Variants in RAD54L2 observed in about 807,000 individuals in gnomAD.
RAD54L2 encodes the protein RAD54 like 2.
In RAD54L2, 27 loss-of-function variants were observed where a neutral mutation model predicts 138.4. The observed-to-expected ratio is 0.20, with a 90% CI of 0.14 to 0.27. RAD54L2 has a LOEUF of 0.27. Among genes scored for constraint, RAD54L2 ranks in the 10% least tolerant of loss-of-function variants. RAD54L2 has a pLI of 1.00. For synonymous variants in RAD54L2, 644 were observed against 723.2 expected (o/e 0.89, Z 1.76); for missense variants, 1,396 against 1,890.2 (o/e 0.74, Z 4.85).
At chr3:51,550,824 A>G (rs1187955222) in intron 2 of RAD54L2, among the ~76,000 whole-genome samples, 2 of 152,164 alleles carry the variant, frequency 1.3e-5, no homozygotes, top group African/African-American at 4.8e-5. Context: ...AGGTAGGCAG[A>G]TCATTTTAGG....
intron 2 of RAD54L2, among the ~76,000 whole-genome samples, chr3:51,551,194 A>G (rs1698827939): frequency 6.6e-6 from 1 of 151,858 alleles, no homozygotes; most frequent in Admixed American, 6.6e-5. Context: ...ATGCAGTGGC[A>G]TGATGATAGC....
In RAD54L2 at chr3:51,638,130, G is replaced by C. The variant is rs775674481; in HGVS notation, c.1683-14G>C. 1.8e-5 allele frequency: 29 copies of C among 1,612,800 alleles called. No individual in the cohort carries two copies. The East Asian group carries it at 2.0e-4, about 11-fold the overall frequency. ...CACACTACCTTGCCGTTTCTGTTCT[G>C]TTTGCCTCCATAGGAGAGGCCACAC... On this transcript the variant is annotated splice_polypyrimidine_tract_variant and intron_variant, in intron 11 of 22. Coordinates refer to ENST00000684192, the MANE Select transcript of RAD54L2 (RefSeq NM_015106.4). The surrounding 1 kb of genome is among the most constrained non-coding windows in gnomAD (Gnocchi z 4.3).
chr3:51,579,762 T>C (rs757770747), intron 2 of RAD54L2, among the ~76,000 whole-genome samples: 4 of 152,148 alleles, frequency 2.6e-5, no homozygotes, highest in Non-Finnish European at 5.9e-5. Context: ...GTTAAATAAG[T>C]AGTATATAGA....
intron 2 of RAD54L2, among the ~76,000 whole-genome samples, chr3:51,589,681 T>TAC (rs1261442924): frequency 0.014 from 1,464 of 108,410 alleles, 12 homozygotes; most frequent in East Asian, 0.067. Flanking sequence ...TATATATATA[T>TAC]ATACACACAC....
intron 20 of RAD54L2, among the ~76,000 whole-genome samples, 197 bp from the exon 21 acceptor site, chr3:51,657,383 G>A (rs1430305396): frequency 2.0e-5 from 3 of 152,152 alleles, no homozygotes; most frequent in African/African-American, 7.2e-5. Context: ...CAAAGTTCCT[G>A]TTTTCATAGT....
intron 2 of RAD54L2, among the ~76,000 whole-genome samples, chr3:51,575,875 C>G (rs973717820): frequency 6.6e-6 from 1 of 152,130 alleles, no homozygotes; most frequent in African/African-American, 2.4e-5. Flanking sequence ...CCAGAACTTC[C>G]AACACTATGT....
rs537516199 is a variant in RAD54L2, at chr3:51,665,254, T to C, written c.*1834T>C. The C allele has an allele frequency of 6.7e-6, 1 of 150,086 alleles. No individual in the cohort carries two copies. Among genetic ancestry groups the C allele is most frequent in the South Asian group, 2.1e-4 (1 of 4,666 alleles). 9.3% of individuals were successfully genotyped at this position (150,086 alleles called of 1,614,324 possible). A position where few individuals can be genotyped will look rare whatever the true frequency, so the allele number is the denominator to read the frequency against. On this transcript the variant is annotated 3_prime_UTR_variant, in exon 23 of 23. Transcript: ENST00000684192. Reference sequence around the variant, plus strand: ...TAGAGCTTTACCACTTACCCATGGCTCCCTCCTTACTGGGCAGGTGGTGTA... The same window carrying C: ...TAGAGCTTTACCACTTACCCATGGCCCCCTCCTTACTGGGCAGGTGGTGTA...
At chr3:51,570,604 G>A (rs1448526924) in intron 2 of RAD54L2, among the ~76,000 whole-genome samples, 4 of 148,080 alleles carry the variant, frequency 2.7e-5, no homozygotes, top group South Asian at 2.2e-4. Context: ...TTACAGGTGC[G>A]CGCCACCACA....
chr3:51,646,450 A>G lies in RAD54L2; in HGVS notation c.2995A>G (p.Thr999Ala), dbSNP rs1667773760. ...TTACCCTGCCAGCGATCAGAGCCTG[A>G]CCAGCATCCCCGCCTTCAGCCAGAG... Reference protein sequence around the residue: ...QYYPASDQSLTSIPAFSQRNW... With the variant: ...QYYPASDQSLASIPAFSQRNW... Residue 999 changes from threonine to alanine, a missense_variant, in exon 19 of 23, where the codon ACC becomes GCC. Physicochemically the swap from Thr to Ala is moderately conservative, Grantham distance 58. This residue lies in a region of RAD54L2 where 634 missense variants were observed against 711.2 expected (regional missense o/e 0.89). Transcript: ENST00000684192. 6.2e-7 allele frequency: 1 copy of G among 1,612,004 alleles called. No individual in the cohort carries two copies. Among genetic ancestry groups the G allele is most frequent in the Non-Finnish European group, 8.5e-7 (1 of 1,178,768 alleles).
In RAD54L2 at chr3:51,662,155, C is replaced by T. The variant is rs780262466; in HGVS notation, c.3410-271C>T. Among the ~76,000 whole-genome samples the T allele has an allele frequency of 3.9e-5, 6 of 152,128 alleles. No individual in the cohort carries two copies. Among genetic ancestry groups the T allele is most frequent in the Middle Eastern group, 3.4e-3 (1 of 294 alleles). On this transcript the variant is annotated intron_variant, in intron 22 of 22. Transcript: ENST00000684192. This position sits in a 1 kb window ranked among gnomAD's most constrained non-coding sequence, Gnocchi z 4.6. ...GAATGATCTCTTAGTGTTTCATATC[C>T]CTTATCTCGTAGGATTCATTTTGGT...
chr3:51,551,715 G>A (rs1340947672), intron 2 of RAD54L2, among the ~76,000 whole-genome samples: 6 of 151,542 alleles, frequency 4.0e-5, no homozygotes, highest in South Asian at 2.1e-4. Flanking sequence ...GATTACAGGC[G>A]TGAGCCACTG....
chr3:51,629,473 G>T lies in RAD54L2; in HGVS notation c.481G>T (p.Glu161Ter). 6.2e-7 allele frequency: 1 copy of T among 1,612,184 alleles called. No homozygotes were observed. The highest frequency in any genetic ancestry group is 2.2e-5 in the East Asian group (1 of 44,814). ...IPTVPLEFLPEEIALRASDGP... is the reference protein window; with the variant it reads ...IPTVPLEFLP Reference sequence around the variant, plus strand: ...TACTGTTCCGCTGGAGTTCCTCCCTGGTAAGCAGTGGACATGGCAGGGAAG... The same window carrying T: ...TACTGTTCCGCTGGAGTTCCTCCCTTGTAAGCAGTGGACATGGCAGGGAAG... Residue 161 changes from glutamate (E) to a stop codon, truncating the protein, a stop_gained and splice_region_variant, in exon 5 of 23, where the codon GAG (glutamate) becomes TAG (stop). Transcript: ENST00000684192. LOFTEE classifies it high-confidence loss of function.
At chr3:51,617,578 T>A (rs933574183) in intron 3 of RAD54L2, among the ~76,000 whole-genome samples, 1 of 152,218 alleles carries the variant, frequency 6.6e-6, no homozygotes, top group East Asian at 1.9e-4. Flanking sequence ...TGCAAGAGTT[T>A]TAGAAATATA....
chr3:51,653,034 A>G (rs1203634685), intron 19 of RAD54L2, among the ~76,000 whole-genome samples: 2 of 152,278 alleles, frequency 1.3e-5, no homozygotes, highest in Non-Finnish European at 2.9e-5. Context: ...TACCCATCTG[A>G]CAAAGGGCTA....
At chr3:51,542,710 G>A (rs782355830) in intron 2 of RAD54L2, among the ~76,000 whole-genome samples, 9 of 152,158 alleles carry the variant, frequency 5.9e-5, no homozygotes, top group Non-Finnish European at 1.0e-4. Flanking sequence ...TGATCCGCCC[G>A]TCTTGGCCTC....
chr3:51,618,673 C>G (rs142074497), intron 3 of RAD54L2, among the ~76,000 whole-genome samples: 1 of 152,284 alleles, frequency 6.6e-6, no homozygotes, highest in East Asian at 1.9e-4. Context: ...TTGAGTTAGA[C>G]AATAAGATCT....
In RAD54L2 at chr3:51,645,151, T is replaced by TA; in HGVS notation, c.2579dup (p.Tyr860Ter). ...CCGTTATGGCCAGAAAAAGCCCTGT[T>TA]ACATCTATCGCCTTGTGGCTGATTA... The part of the protein sequence containing the change: ...VYRYGQKKPC[Y>*]IYRLVADYTL... The change falls in exon 17 of 23, where the codon TAC (tyrosine) becomes TAAC (stop). Residue 860 changes from tyrosine (Y) to a stop codon, truncating the protein, a stop_gained and frameshift_variant. Transcript: ENST00000684192. LOFTEE classifies it high-confidence loss of function. The surrounding 1 kb of genome is among the most constrained non-coding windows in gnomAD (Gnocchi z 6.1). 1 of 1,613,972 alleles carries TA rather than the reference T, an allele frequency of 6.2e-7. No individual in the cohort carries two copies. The highest frequency in any genetic ancestry group is 8.5e-7 in the Non-Finnish European group (1 of 1,179,872).
chr3:51,572,641 CTT>C (rs113783205), intron 2 of RAD54L2, among the ~76,000 whole-genome samples: 25 of 136,428 alleles, frequency 1.8e-4, no homozygotes, highest in Admixed American at 1.5e-4. Context: ...TGCTATAAAT[CTT>C]TTTTTTTTTT....
At chr3:51,646,639 C>T (rs1435607833) in intron 19 of RAD54L2, among the ~76,000 whole-genome samples, 158 bp downstream of exon 19, 1 of 152,136 alleles carries the variant, frequency 6.6e-6, no homozygotes, top group South Asian at 2.1e-4. Flanking sequence ...GTTCAGTAGC[C>T]CTGGTGTTTT....
Sources: allele counts gnomAD v4.1 joint callset (sites outside exome capture counted in the v4.1 genomes callset), GRCh38; gene constraint gnomAD v4.1.1; regional missense constraint gnomAD v4.1.1; non-coding constraint Gnocchi (gnomAD v3.1); transcripts MANE v1.5; gene names NCBI Gene and HGNC (gene_info 2026-07-23, HGNC 2026-07-21).